GNAQ: variants seen among roughly 807,000 people sequenced by gnomAD.
GNAQ encodes the protein G protein subunit alpha q, also known as guanine nucleotide-binding protein G(q) subunit alpha.
Under a neutral mutation model 43.9 loss-of-function variants are expected in GNAQ, and 8 were observed. That is an observed-to-expected ratio of 0.18 (90% CI 0.11 to 0.33). GNAQ has a LOEUF of 0.33. GNAQ is among the 10% of genes least tolerant of loss of function. GNAQ has a pLI of 1.00. For synonymous variants in GNAQ, 155 were observed against 170.7 expected (o/e 0.91, Z 0.71); for missense variants, 158 against 450.8 (o/e 0.35, Z 5.88).
intron 1 of GNAQ, 28 bp downstream of exon 1, chr9:78,031,072 G>T (rs1444475166): frequency 2.1e-6 from 3 of 1,425,224 alleles, no homozygotes; most frequent in East Asian, 2.9e-5. Context: ...GGGCGCAGAG[G>T]CCCGGCGGGG....
At chr9:77,925,717 G>C (rs909379507) in intron 1 of GNAQ, among the ~76,000 whole-genome samples, 1 of 152,230 alleles carries the variant, frequency 6.6e-6, no homozygotes, top group South Asian at 2.1e-4. Flanking sequence ...ATTGTAGGCA[G>C]AATAATAAAA....
At chr9:77,829,150 T>A (rs1232411296) in intron 2 of GNAQ, among the ~76,000 whole-genome samples, 1 of 152,156 alleles carries the variant, frequency 6.6e-6, no homozygotes, top group Non-Finnish European at 1.5e-5. Context: ...AGGTATGGTG[T>A]TATCAATAGT....
At chr9:77,804,121 T>C (rs1293560063) in intron 3 of GNAQ, among the ~76,000 whole-genome samples, 4 of 152,144 alleles carry the variant, frequency 2.6e-5, no homozygotes, top group African/African-American at 9.7e-5. Flanking sequence ...AGTTTTGAGG[T>C]GACCTTCAAA....
intron 2 of GNAQ, among the ~76,000 whole-genome samples, chr9:77,891,485 G>A (rs949506258): frequency 4.6e-5 from 7 of 152,206 alleles, no homozygotes; most frequent in Admixed American, 6.5e-5. Flanking sequence ...TAATTTGGAA[G>A]AAAATTTCAC....
chr9:77,853,710 G>A (rs1241493337), intron 2 of GNAQ, among the ~76,000 whole-genome samples: 1 of 142,266 alleles, frequency 7.0e-6, no homozygotes, highest in Non-Finnish European at 1.5e-5. Flanking sequence ...AGAGAACAGC[G>A]GCTACTCCTG....
intron 2 of GNAQ, among the ~76,000 whole-genome samples, chr9:77,858,690 GC>G (rs1163529337): frequency 6.6e-6 from 1 of 151,528 alleles, no homozygotes; most frequent in Non-Finnish European, 1.5e-5. Context: ...TCTCTGCTTG[GC>G]TCTTTCTTTC....
chr9:77,864,470 T>C (rs1353123128), intron 2 of GNAQ, among the ~76,000 whole-genome samples: 1 of 152,184 alleles, frequency 6.6e-6, no homozygotes, highest in African/African-American at 2.4e-5. Context: ...ATTATCCAAG[T>C]GGGCCCAATG....
intron 1 of GNAQ, among the ~76,000 whole-genome samples, chr9:77,953,582 G>C (rs1482974430): frequency 6.6e-6 from 1 of 152,134 alleles, no homozygotes; most frequent in Non-Finnish European, 1.5e-5. Flanking sequence ...CAAGGGCCCG[G>C]CGAAGGTCTC....
intron 2 of GNAQ, among the ~76,000 whole-genome samples, chr9:77,854,853 G>A (rs562838523): frequency 2.0e-5 from 3 of 152,256 alleles, no homozygotes; most frequent in Admixed American, 2.0e-4. Flanking sequence ...ATTACAATAA[G>A]ATTTGCTCAC....
chr9:77,801,869 T>C (rs567592705), intron 3 of GNAQ, among the ~76,000 whole-genome samples: 1 of 152,138 alleles, frequency 6.6e-6, no homozygotes, highest in African/African-American at 2.4e-5. Flanking sequence ...CAGGTAAAAT[T>C]TATAGACCAC....
chr9:77,888,290 T>C (rs1159183192), intron 2 of GNAQ, among the ~76,000 whole-genome samples: 2 of 152,174 alleles, frequency 1.3e-5, no homozygotes, highest in African/African-American at 4.8e-5. Context: ...GATTAAAACA[T>C]TTGAGAATCC....
chr9:77,756,253 TATTA>T (rs778736701), intron 5 of GNAQ, among the ~76,000 whole-genome samples: 2 of 152,232 alleles, frequency 1.3e-5, no homozygotes, highest in African/African-American at 2.4e-5. Context: ...ACATCTATCC[TATTA>T]ATTCTGTCCC....
intron 2 of GNAQ, among the ~76,000 whole-genome samples, chr9:77,880,743 AC>A (rs1433372335): frequency 6.7e-6 from 1 of 149,954 alleles, no homozygotes; most frequent in Admixed American, 6.6e-5. Context: ...TTCTGGAACA[AC>A]TCATTTTCTG....
intron 6 of GNAQ, among the ~76,000 whole-genome samples, chr9:77,725,856 C>T (rs980678227): frequency 6.6e-5 from 10 of 152,160 alleles, no homozygotes; most frequent in African/African-American, 2.4e-4. Context: ...CAGAAGGGTT[C>T]ACCTCCGTGG....
At chr9:77,762,080 G>A (rs1461845749) in intron 5 of GNAQ, among the ~76,000 whole-genome samples, 2 of 122,030 alleles carry the variant, frequency 1.6e-5, no homozygotes, top group Admixed American at 7.7e-5. Flanking sequence ...AGGTGGGGGG[G>A]TCAGCCCCCC....
At chr9:77,831,452 T>C (rs777651373) in intron 2 of GNAQ, among the ~76,000 whole-genome samples, 5 of 152,228 alleles carry the variant, frequency 3.3e-5, no homozygotes, top group African/African-American at 1.2e-4. Flanking sequence ...ATATCATTGA[T>C]AATGTGTTCT....
chr9:77,924,235 C>T (rs1829037507), intron 1 of GNAQ, among the ~76,000 whole-genome samples: 1 of 152,068 alleles, frequency 6.6e-6, no homozygotes, highest in Non-Finnish European at 1.5e-5. Flanking sequence ...TGGATAAAAG[C>T]ATAAAGTGGT....
chr9:77,724,496 A>G (rs1825367000), intron 6 of GNAQ, among the ~76,000 whole-genome samples: 1 of 152,200 alleles, frequency 6.6e-6, no homozygotes, highest in East Asian at 1.9e-4. Flanking sequence ...CACACCCAGC[A>G]GGTTTTTTTC....
chr9:77,888,859 A>G (rs1405172892), intron 2 of GNAQ, among the ~76,000 whole-genome samples: 2 of 152,166 alleles, frequency 1.3e-5, no homozygotes, highest in African/African-American at 4.8e-5. Flanking sequence ...AAAGCACTAA[A>G]GCCATTTGCT....
Sources: gnomAD v4.1 joint callset for allele counts (sites outside exome capture counted in the v4.1 genomes callset) on GRCh38, gnomAD v4.1.1 for gene constraint, MANE v1.5 for transcripts, NCBI Gene and HGNC (gene_info 2026-07-23, HGNC 2026-07-21) for gene names.